LOXL3: variants seen among roughly 807,000 people sequenced by gnomAD.
LOXL3 encodes lysyl oxidase homolog 3.
LOXL3 carries 60 observed loss-of-function variants against 91.8 expected under a neutral mutation model. That is an observed-to-expected ratio of 0.65 (90% CI 0.53 to 0.81). The LOEUF (loss-of-function observed/expected upper bound fraction) is 0.81. Ranked by LOEUF, LOXL3 falls within the 30% of genes least tolerant of loss-of-function variation. The probability of loss-of-function intolerance (pLI) is 0.00; values close to 1 mark genes in which losing one functional copy is unlikely to be tolerated. For synonymous variants in LOXL3, 355 were observed against 387.6 expected (o/e 0.92, Z 0.99); for missense variants, 874 against 1,000.4 (o/e 0.87, Z 1.70).
At chr2:74,550,442 A>G in intron 2 of LOXL3, 94 bp from the exon 3 acceptor site, 1 of 1,340,446 alleles carries the variant, frequency 7.5e-7, no homozygotes, top group Non-Finnish European at 1.0e-6. Flanking sequence ...GAGGCCTCCC[A>G]CTTGGCCATG....
chr2:74,534,458 C>A (rs1273129974), intron 10 of LOXL3, 27 bp from the exon 11 acceptor site: 1 of 1,613,796 alleles, frequency 6.2e-7, no homozygotes, highest in East Asian at 2.2e-5. Context: ...ACTTCTGTTT[C>A]CTTCTCTGCC....
At chr2:74,534,831 T>A (rs1675901895) in intron 9 of LOXL3, 57 bp from the exon 10 acceptor site, 2 of 1,579,034 alleles carry the variant, frequency 1.3e-6, no homozygotes, top group African/African-American at 2.7e-5. Context: ...CAGAGAGGGG[T>A]GCTTCCATCC....
chr2:74,554,615 C>T (rs1040788213), upstream of LOXL3: 44 of 755,246 alleles, frequency 5.8e-5, no homozygotes, highest in East Asian at 7.8e-4. This position sits in a 1 kb window ranked among gnomAD's most constrained non-coding sequence, Gnocchi z 4.9. Flanking sequence ...TCGCTCCTCT[C>T]CCTCACCCCA....
intron 4 of LOXL3, among the ~76,000 whole-genome samples, chr2:74,543,914 A>G (rs191644773): frequency 0.023 from 3,485 of 150,636 alleles, 209 homozygotes; most frequent in Admixed American, 0.13. Context: ...AAAAAAAAAA[A>G]AAAAAAAAAG....
At chr2:74,540,310 A>G (rs1323906113) in intron 4 of LOXL3, among the ~76,000 whole-genome samples, 1 of 152,206 alleles carries the variant, frequency 6.6e-6, no homozygotes, top group East Asian at 1.9e-4. Context: ...GTTAGTGCTA[A>G]ACCTCAGTGG....
Position 74,536,796 on chromosome 2 carries a change from G to GCC in LOXL3, c.823_824dup (p.Pro276AlafsTer5). Reference sequence around the variant, plus strand: ...CTGGCACACAGCTCACCACTGCAGGGCCCCCCCCAGGGCACCTGGCGGTGT... The same window carrying GCC: ...CTGGCACACAGCTCACCACTGCAGGGCCCCCCCCCCAGGGCACCTGGCGGTGT... On this transcript the variant is annotated frameshift_variant, in exon 5 of 14. Coordinates refer to ENST00000264094, the MANE Select transcript of LOXL3 (RefSeq NM_032603.5). LOFTEE classifies it high-confidence loss of function. This position sits in a 1 kb window ranked among gnomAD's most constrained non-coding sequence, Gnocchi z 4.5. 1 of 1,613,056 alleles carries GCC rather than the reference G, an allele frequency of 6.2e-7. No individual in the cohort carries two copies. Among genetic ancestry groups the GCC allele is most frequent in the Non-Finnish European group, 8.5e-7 (1 of 1,179,336 alleles).
chr2:74,533,949 G>C lies in LOXL3; in HGVS notation c.2121C>G (p.Thr707=). 6.2e-7 allele frequency: 1 copy of C among 1,614,088 alleles called. No individual in the cohort carries two copies. Among genetic ancestry groups the C allele is most frequent in the Non-Finnish European group, 8.5e-7 (1 of 1,180,020 alleles). ...TGCAGTTACATTTCATTGCATTGTT[G>C]GTAAAGTCACTCTCTGCTACTTCAA... The part of the protein sequence containing the change: ...PNFEVAESDF[T]NNAMKCNCKY... The change falls in exon 13 of 14, where the codon ACC becomes ACG. Residue 707 remains threonine (T), a synonymous_variant. Transcript: ENST00000264094.
At chr2:74,543,525 A>G (rs996678232) in intron 4 of LOXL3, among the ~76,000 whole-genome samples, 1 of 152,050 alleles carries the variant, frequency 6.6e-6, no homozygotes, top group Non-Finnish European at 1.5e-5. Flanking sequence ...AGTCCTGTCA[A>G]TTTTACTTCT....
intron 4 of LOXL3, among the ~76,000 whole-genome samples, chr2:74,540,165 G>T (rs753570269): frequency 2.0e-5 from 3 of 152,152 alleles, no homozygotes; most frequent in Non-Finnish European, 4.4e-5. Flanking sequence ...AGCTTTCATA[G>T]CTGCTTGGCC....
At chr2:74,539,438 G>C (rs1676196340) in intron 4 of LOXL3, among the ~76,000 whole-genome samples, 1 of 152,148 alleles carries the variant, frequency 6.6e-6, no homozygotes, top group Non-Finnish European at 1.5e-5. Context: ...GAAGGGAAGA[G>C]GAAAGGTGGA....
chr2:74,550,100 T>A (rs1206379861), intron 3 of LOXL3, 85 bp downstream of exon 3: 1 of 1,504,748 alleles, frequency 6.6e-7, no homozygotes, highest in African/African-American at 1.4e-5. Context: ...CAGGGGTAAC[T>A]ACCTTCTAAT....
At position 74,549,052 on chromosome 2, in the gene LOXL3, A is replaced by C. The variant is rs532032318; in HGVS notation, c.692+317T>G. 12 of 197,568 alleles carry C rather than the reference A, an allele frequency of 6.1e-5. No individual in the cohort carries two copies. The highest frequency in any genetic ancestry group is 3.5e-4 in the South Asian group (2 of 5,776). The allele number at this position is 197,568 out of a possible 1,614,324, so 12.2% of individuals were successfully genotyped here. A position where few individuals can be genotyped will look rare whatever the true frequency, so the allele number is the denominator to read the frequency against. ...GCTGGCCGGCAGCGCCAGCGCTGGA[A>C]TCGCCCCCGCGCCTGGGAGTGGCCT... On this transcript the variant is annotated intron_variant, in intron 4 of 13. Transcript: ENST00000264094. The surrounding 1 kb of genome is among the most constrained non-coding windows in gnomAD (Gnocchi z 5.3).
intron 4 of LOXL3, among the ~76,000 whole-genome samples, chr2:74,538,179 CATCT>C (rs1225199497): frequency 9.2e-5 from 14 of 152,296 alleles, no homozygotes; most frequent in Middle Eastern, 6.8e-3. Flanking sequence ...AGGAAAAATA[CATCT>C]ATCTTCTAAA....
upstream of LOXL3, chr2:74,555,135 A>ACT (rs200468716): frequency 2.3e-4 from 362 of 1,590,000 alleles, no homozygotes; most frequent in East Asian, 3.4e-4. The surrounding 1 kb of genome is among the most constrained non-coding windows in gnomAD (Gnocchi z 6.1). Flanking sequence ...CCTCTCGAGC[A>ACT]CTCTCTCTCT....
chr2:74,539,221 C>A (rs370069946), intron 4 of LOXL3, among the ~76,000 whole-genome samples: 1 of 152,158 alleles, frequency 6.6e-6, no homozygotes, highest in Admixed American at 6.5e-5. Flanking sequence ...ACATATGTGG[C>A]GCAGGAAAGG....
At chr2:74,552,208 G>T in intron 2 of LOXL3, 114 bp downstream of exon 2, 1 of 937,384 alleles carries the variant, frequency 1.1e-6, no homozygotes, top group Non-Finnish European at 1.6e-6. Context: ...TTTACTCAAT[G>T]CTGGCTGTTC....
intron 4 of LOXL3, among the ~76,000 whole-genome samples, chr2:74,540,131 G>GCCA (rs1558622405): frequency 6.6e-6 from 1 of 152,204 alleles, no homozygotes; most frequent in Non-Finnish European, 1.5e-5. Context: ...ACAGGCGTGA[G>GCCA]CCACCGCACC....
Position 74,552,321 on chromosome 2 carries a change from C to A in LOXL3, c.313+1G>T. The A allele has an allele frequency of 6.3e-7, 1 of 1,595,142 alleles. No individual in the cohort carries two copies. Among genetic ancestry groups the A allele is most frequent in the Non-Finnish European group, 8.6e-7 (1 of 1,164,334 alleles). On this transcript the variant is annotated splice_donor_variant, in intron 2 of 13. Transcript: ENST00000264094. LOFTEE classifies it high-confidence loss of function. The stretch of plus-strand genomic sequence containing the variant: ...TAGGATATGCCTGGATCATTGCTCA[C>A]CTGTTCCAGGGCCATATTTGGCACT...
intron 9 of LOXL3, among the ~76,000 whole-genome samples, 163 bp from the exon 10 acceptor site, chr2:74,534,937 G>A (rs1012903729): frequency 4.6e-5 from 7 of 152,094 alleles, no homozygotes; most frequent in South Asian, 2.1e-4. Flanking sequence ...GGAATGCAGC[G>A]GCGTGATCTT....
Sources: gnomAD v4.1 joint callset for allele counts (sites outside exome capture counted in the v4.1 genomes callset) on GRCh38, gnomAD v4.1.1 for gene constraint, Gnocchi (gnomAD v3.1) non-coding constraint, MANE v1.5 for transcripts, NCBI Gene and HGNC (gene_info 2026-07-23, HGNC 2026-07-21) for gene names.